Variants in TRIP12 observed in about 807,000 individuals in gnomAD.
TRIP12 encodes the protein thyroid hormone receptor interactor 12, also known as E3 ubiquitin-protein ligase TRIP12.
Under a neutral mutation model 244.2 loss-of-function variants are expected in TRIP12, and 25 were observed. That is an observed-to-expected ratio of 0.10 (90% CI 0.07 to 0.14). TRIP12 has a LOEUF of 0.14. Among genes scored for constraint, TRIP12 ranks in the 10% least tolerant of loss-of-function variants. TRIP12 has a pLI of 1.00. For missense variants in TRIP12, 1,677 were observed against 2,486.4 expected (o/e 0.67, Z 6.92); for synonymous variants, 905 against 873.1 (o/e 1.04, Z -0.64).
In TRIP12 at chr2:229,814,333, CATAT is replaced by C. The variant is rs747264912; in HGVS notation, c.1732-12_1732-9del. On this transcript the variant is annotated splice_polypyrimidine_tract_variant and intron_variant, in intron 11 of 41. Coordinates refer to ENST00000675903, the MANE Select transcript of TRIP12 (RefSeq NM_001348323.3). ...ACACTGAATAACTTGCAGCTGGGAA[CATAT>C]ATATAGTTACCATAAGGTTATCATT... The C allele has an allele frequency of 6.2e-7, 1 of 1,613,180 alleles. No individual in the cohort carries two copies. The highest frequency in any genetic ancestry group is 1.1e-5 in the South Asian group (1 of 90,992).
chr2:229,808,547 G>A (rs984460715), intron 15 of TRIP12, among the ~76,000 whole-genome samples, 178 bp from the exon 16 acceptor site: 1 of 152,166 alleles, frequency 6.6e-6, no homozygotes, highest in African/African-American at 2.4e-5. Context: ...AAAAAAATTT[G>A]TGTAGATTTT....
At chr2:229,815,892 T>C (rs538091882) in intron 9 of TRIP12, among the ~76,000 whole-genome samples, 1 of 152,312 alleles carries the variant, frequency 6.6e-6, no homozygotes, top group East Asian at 1.9e-4. Flanking sequence ...ACTCCATATA[T>C]GCATGAATAA....
rs2064520411 is a variant in TRIP12 at position 229,880,144 on chromosome 2, AT to A, written c.-49-17del. On this transcript the variant is annotated splice_polypyrimidine_tract_variant and intron_variant, in intron 1 of 41. Transcript: ENST00000675903. ...CTACCATTCACTAAAAGAAAAAAAA[AT>A]AAACAAAATTTATCAGATGTACAAA... 8.4e-6 allele frequency: 12 copies of A among 1,431,328 alleles called. No homozygotes were observed. The highest frequency in any genetic ancestry group is 3.6e-4 in the Middle Eastern group (2 of 5,528). The allele number at this position is 1,431,328 out of a possible 1,614,324, so 88.7% of individuals were successfully genotyped here.
chr2:229,890,957 AT>A (rs1169258125), intron 1 of TRIP12, among the ~76,000 whole-genome samples: 2 of 152,160 alleles, frequency 1.3e-5, no homozygotes, highest in Admixed American at 1.3e-4. Context: ...CCCTATCAGA[AT>A]GGGGGTATGG....
chr2:229,874,602 T>C (rs1308616084), intron 2 of TRIP12, among the ~76,000 whole-genome samples: 1 of 151,984 alleles, frequency 6.6e-6, no homozygotes, highest in African/African-American at 2.4e-5. Context: ...TTCCAGAAAA[T>C]ACATCTAGTG....
intron 1 of TRIP12, among the ~76,000 whole-genome samples, chr2:229,889,439 T>C (rs1414038510): frequency 6.6e-6 from 1 of 152,190 alleles, no homozygotes; most frequent in East Asian, 1.9e-4. Flanking sequence ...ACTAACTGCA[T>C]TCATGTAACA....
intron 2 of TRIP12, 43 bp from the exon 3 acceptor site, chr2:229,860,574 G>A (rs749241908): frequency 1.9e-6 from 3 of 1,551,986 alleles, no homozygotes; most frequent in Admixed American, 1.9e-5. Flanking sequence ...AGGAAACTGA[G>A]ATGCAAATAC....
At chr2:229,824,920 C>T in intron 8 of TRIP12, among the ~76,000 whole-genome samples, 1 of 152,150 alleles carries the variant, frequency 6.6e-6, no homozygotes, top group Non-Finnish European at 1.5e-5. Context: ...GTAAATATTA[C>T]ATAATTATAA....
chr2:229,922,269 G>A (rs2076728696), upstream of TRIP12: 1 of 525,512 alleles, frequency 1.9e-6, no homozygotes, highest in South Asian at 2.3e-5. Flanking sequence ...CCTCCGCCGG[G>A]GTCACCCCCT....
chr2:229,890,402 C>A (rs1278633313), intron 1 of TRIP12, among the ~76,000 whole-genome samples: 1 of 152,120 alleles, frequency 6.6e-6, no homozygotes, highest in Admixed American at 6.5e-5. Flanking sequence ...ACCCAGCCTA[C>A]AGAGGTTAAC....
intron 1 of TRIP12, 152 bp downstream of exon 1, chr2:229,921,728 G>C (rs1306365089): frequency 6.6e-6 from 1 of 151,856 alleles, no homozygotes; most frequent in East Asian, 2.0e-4. Context: ...GCCGGCGCCG[G>C]GAGCAGGCCA....
At chr2:229,919,914 G>T (rs1201729812) in intron 1 of TRIP12, among the ~76,000 whole-genome samples, 3 of 152,150 alleles carry the variant, frequency 2.0e-5, no homozygotes, top group Admixed American at 1.3e-4. Flanking sequence ...CACACAGCAG[G>T]AAGTGTCAAA....
At chr2:229,805,702 G>A in intron 18 of TRIP12, 28 bp downstream of exon 18, 2 of 1,540,688 alleles carry the variant, frequency 1.3e-6, no homozygotes, top group South Asian at 1.2e-5. Flanking sequence ...CAATAGTATA[G>A]TGCTATTTTA....
intron 2 of TRIP12, among the ~76,000 whole-genome samples, chr2:229,867,717 A>G (rs1481712911): frequency 6.6e-6 from 1 of 152,210 alleles, no homozygotes; most frequent in South Asian, 2.1e-4. Context: ...TTGGAGTATC[A>G]GAAGAATGAA....
At chr2:229,896,489 T>G (rs2068860372) in intron 1 of TRIP12, among the ~76,000 whole-genome samples, 1 of 151,788 alleles carries the variant, frequency 6.6e-6, no homozygotes, top group African/African-American at 2.4e-5. Context: ...AATACAAAAA[T>G]TAGCTGGGCA....
At chr2:229,855,267 AAAAC>A (rs1488292771) in intron 4 of TRIP12, among the ~76,000 whole-genome samples, 1 of 152,206 alleles carries the variant, frequency 6.6e-6, no homozygotes, top group African/African-American at 2.4e-5. Context: ...ACTCCATCTT[AAAAC>A]AAACAAACAA....
Position 229,814,290 on chromosome 2 carries a change from C to T in TRIP12, c.1767G>A (p.Gln589=). Residue 589 remains glutamine, a synonymous_variant, in exon 12 of 42, where the codon CAG becomes CAA. Transcript: ENST00000675903. ...ACAACATCTCCAAGGCAGTCAAGGCCTGCTCTGCCACATCAATACACTGAA... is the reference window on the plus strand; with the variant it reads ...ACAACATCTCCAAGGCAGTCAAGGCTTGCTCTGCCACATCAATACACTGAA... ...QVIQCIDVAE[Q]ALTALEMLSR... is the part of the protein sequence containing the mutation. The T allele has an allele frequency of 1.2e-6, 2 of 1,614,156 alleles. No homozygotes were observed. Among genetic ancestry groups the T allele is most frequent in the Non-Finnish European group, 1.7e-6 (2 of 1,180,012 alleles).
At chr2:229,907,613 T>C (rs2073175504) in intron 1 of TRIP12, among the ~76,000 whole-genome samples, 1 of 152,182 alleles carries the variant, frequency 6.6e-6, no homozygotes, top group African/African-American at 2.4e-5. Flanking sequence ...AAGACCAGCC[T>C]GGGCAACGTG....
intron 1 of TRIP12, among the ~76,000 whole-genome samples, chr2:229,904,707 G>A (rs1413382474): frequency 1.3e-5 from 2 of 152,070 alleles, no homozygotes; most frequent in Non-Finnish European, 2.9e-5. Flanking sequence ...TTTATAATCA[G>A]AAATAAATGC....
Sources: gnomAD v4.1 joint callset for allele counts (sites outside exome capture counted in the v4.1 genomes callset) on GRCh38, gnomAD v4.1.1 for gene constraint, MANE v1.5 for transcripts, NCBI Gene and HGNC (gene_info 2026-07-23, HGNC 2026-07-21) for gene names.